The following VPS35L variants were observed in gnomAD, a reference collection of about 807,000 sequenced individuals.
VPS35L encodes VPS35 endosomal protein-sorting factor-like.
A neutral mutation model predicts 133.0 loss-of-function variants in VPS35L; 83 were observed. That is an observed-to-expected ratio of 0.62 (90% CI 0.52 to 0.75). The LOEUF (loss-of-function observed/expected upper bound fraction) is 0.75, where lower values mean the gene tolerates loss of function less well. VPS35L is among the 30% of genes least tolerant of loss of function. The pLI, the probability that VPS35L is intolerant of heterozygous loss-of-function variation, is 0.00. For synonymous variants in VPS35L, 423 were observed against 449.9 expected (o/e 0.94, Z 0.76); for missense variants, 1,083 against 1,206.8 (o/e 0.90, Z 1.52).
intron 6 of VPS35L, among the ~76,000 whole-genome samples, chr16:19,580,869 T>C (rs1567397632): frequency 6.6e-6 from 1 of 152,148 alleles, no homozygotes; most frequent in Non-Finnish European, 1.5e-5. Context: ...TTTGAATATC[T>C]CTGAAATTGG....
rs897269426 is a variant in VPS35L at position 19,684,400 on chromosome 16, T to C, written c.2527+2010T>C. Among the ~76,000 whole-genome samples, 6 of 152,198 alleles carry C rather than the reference T, an allele frequency of 3.9e-5. 1 individual carries two copies. Among genetic ancestry groups the C allele is most frequent in the African/African-American group, 1.4e-4 (6 of 41,454 alleles). On this transcript the variant is annotated intron_variant, in intron 28 of 30. Coordinates refer to ENST00000417362, the MANE Select transcript of VPS35L (RefSeq NM_020314.7). Reference sequence around the variant, plus strand: ...ACACTTGCAAGTTGCAGTGAACACATTAGCAGTGCTTAAGGGATGGCCTGC... The same window carrying C: ...ACACTTGCAAGTTGCAGTGAACACACTAGCAGTGCTTAAGGGATGGCCTGC...
chr16:19,666,624 C>T (rs1395308710), intron 26 of VPS35L, among the ~76,000 whole-genome samples: 1 of 152,136 alleles, frequency 6.6e-6, no homozygotes. Flanking sequence ...GAGCCAAGTT[C>T]TGGGGACAAA....
chr16:19,608,736 T>A, intron 10 of VPS35L: 1 of 501,578 alleles, frequency 2.0e-6, no homozygotes, highest in South Asian at 3.7e-5. Context: ...CAGTTTATAT[T>A]TCAGCATGCA....
intron 14 of VPS35L, among the ~76,000 whole-genome samples, chr16:19,623,801 TATTA>T (rs1973166994): frequency 1.0e-5 from 1 of 95,358 alleles, no homozygotes; most frequent in Non-Finnish European, 2.1e-5. Flanking sequence ...TTATTATTAT[TATTA>T]TTATTATTAT....
intron 3 of VPS35L, among the ~76,000 whole-genome samples, chr16:19,570,886 TATA>T (rs1971359844): frequency 7.2e-5 from 7 of 97,476 alleles, no homozygotes; most frequent in South Asian, 3.1e-4. Flanking sequence ...TATATATATA[TATA>T]TTTTTGAGAT....
intron 25 of VPS35L, 124 bp downstream of exon 25, chr16:19,650,583 T>C (rs1048887515): frequency 2.6e-6 from 2 of 763,030 alleles, no homozygotes; most frequent in Non-Finnish European, 4.3e-6. Flanking sequence ...TTAGTATTGA[T>C]TTTTCAGATT....
At chr16:19,620,483 GT>G (rs888874798) in intron 14 of VPS35L, among the ~76,000 whole-genome samples, 2 of 151,944 alleles carry the variant, frequency 1.3e-5, no homozygotes, top group African/African-American at 4.8e-5. Context: ...TCTCTCTACT[GT>G]TTTTTTCAAT....
At chr16:19,565,923 G>A (rs1189400543) in intron 2 of VPS35L, among the ~76,000 whole-genome samples, 2 of 152,168 alleles carry the variant, frequency 1.3e-5, no homozygotes, top group Non-Finnish European at 2.9e-5. Context: ...AAAAACAAAA[G>A]CAGGCAAGAG....
intron 8 of VPS35L, among the ~76,000 whole-genome samples, chr16:19,595,627 C>G (rs1972190009): frequency 6.6e-6 from 1 of 152,172 alleles, no homozygotes; most frequent in African/African-American, 2.4e-5. Flanking sequence ...ATCCTGCAAG[C>G]CTGGCCAGAC....
intron 14 of VPS35L, among the ~76,000 whole-genome samples, chr16:19,622,584 A>C (rs1973120885): frequency 6.6e-6 from 1 of 152,114 alleles, no homozygotes; most frequent in Non-Finnish European, 1.5e-5. Context: ...ATCCGTGTCT[A>C]AGTGGATCCA....
At chr16:19,688,184 C>T (rs1387903360) in intron 28 of VPS35L, among the ~76,000 whole-genome samples, 1 of 152,052 alleles carries the variant, frequency 6.6e-6, no homozygotes, top group Non-Finnish European at 1.5e-5. Flanking sequence ...GCCTTGGCCT[C>T]CCAAAGTGCT....
intron 23 of VPS35L, 105 bp from the exon 24 acceptor site, chr16:19,647,679 G>A (rs1973993538): frequency 7.8e-6 from 7 of 893,348 alleles, no homozygotes; most frequent in East Asian, 7.2e-5. Flanking sequence ...CAGTGCCCAC[G>A]TCATAAAGAT....
chr16:19,691,515 G>A, intron 29 of VPS35L, 44 bp downstream of exon 29: 2 of 1,505,516 alleles, frequency 1.3e-6, no homozygotes, highest in Non-Finnish European at 9.2e-7. Context: ...TGCTCTGAAA[G>A]CACAAGTTTC....
At chr16:19,627,152 G>A (rs1347510457) in intron 15 of VPS35L, among the ~76,000 whole-genome samples, 7 of 151,792 alleles carry the variant, frequency 4.6e-5, no homozygotes, top group Non-Finnish European at 1.0e-4. Context: ...GCATGGTGGC[G>A]CATGCCTGTA....
chr16:19,650,214 A>C (rs184404898), intron 24 of VPS35L, among the ~76,000 whole-genome samples, 168 bp from the exon 25 acceptor site: 1 of 152,180 alleles, frequency 6.6e-6, no homozygotes, highest in Non-Finnish European at 1.5e-5. Flanking sequence ...TGATTGGATC[A>C]GGCCTGATGA....
intron 26 of VPS35L, 65 bp from the exon 27 acceptor site, chr16:19,669,095 G>A: frequency 6.6e-7 from 1 of 1,521,124 alleles, no homozygotes; most frequent in Non-Finnish European, 8.9e-7. Flanking sequence ...CAGGCCACGT[G>A]AAGAAGAAAG....
intron 14 of VPS35L, among the ~76,000 whole-genome samples, chr16:19,624,107 CTTTTTTTTTTTTTT>C (rs1182015325): frequency 1.5e-5 from 1 of 65,842 alleles, no homozygotes; most frequent in Non-Finnish European, 2.8e-5. Context: ...CCTACCAGGT[CTTTTTTTTTTTTTT>C]TTTTTTTTTT....
At chr16:19,562,704 A>G (rs1169841472) in intron 1 of VPS35L, among the ~76,000 whole-genome samples, 1 of 152,156 alleles carries the variant, frequency 6.6e-6, no homozygotes, top group Admixed American at 6.6e-5. Flanking sequence ...AAAGACAATC[A>G]TTTAAAAACA....
At position 19,634,308 on chromosome 16, in the gene VPS35L, A is replaced by G. The variant is rs183933716; in HGVS notation, c.1635+1136A>G. On this transcript the variant is annotated intron_variant, in intron 19 of 30. Coordinates refer to ENST00000417362, the MANE Select transcript of VPS35L (RefSeq NM_020314.7). ...AAAAATTAGCCATGCGTGGTGGTGC[A>G]TGCCTATAGTCCCAGCTACCTGGGA... is the stretch of plus-strand genomic sequence containing the variant. 1.1e-3 allele frequency among the ~76,000 whole-genome samples: 160 copies of G among 151,576 alleles called. 1 individual carries two copies. The highest frequency in any genetic ancestry group is 3.6e-3 in the African/African-American group (149 of 41,348).
Sources: gnomAD v4.1 joint callset for allele counts (sites outside exome capture counted in the v4.1 genomes callset) on GRCh38, gnomAD v4.1.1 for gene constraint, MANE v1.5 for transcripts, NCBI Gene and HGNC (gene_info 2026-07-23, HGNC 2026-07-21) for gene names.